ZNF577: variants seen among roughly 807,000 people sequenced by gnomAD.
ZNF577 encodes zinc finger protein 577.
A neutral mutation model predicts 13.9 loss-of-function variants in ZNF577; 14 were observed. The ratio of observed to expected loss-of-function variants is 1.00; its 90% confidence interval spans 0.66 to 1.57. The LOEUF (loss-of-function observed/expected upper bound fraction) is 1.57, where lower values mean the gene tolerates loss of function less well. ZNF577 is among the 40% of genes most tolerant of loss of function. ZNF577 has a pLI of 0.00. For missense variants in ZNF577, 555 were observed against 579.2 expected (o/e 0.96, Z 0.43); for synonymous variants, 203 against 202.9 (o/e 1.00, Z 0.00).
chr19:51,847,917 C>T (rs144794038), intron 5 of ZNF577, among the ~76,000 whole-genome samples: 1 of 152,270 alleles, frequency 6.6e-6, no homozygotes, highest in Non-Finnish European at 1.5e-5. Flanking sequence ...AACTCAGTAG[C>T]ACTTTGGAAG....
rs1383151428 is a variant in ZNF577, at chr19:51,870,147, T to A, written c.*2385A>T. On this transcript the variant is annotated 3_prime_UTR_variant, in exon 6 of 6. Transcript: ENST00000638348. ...CATCAGTAAATTATAGTTTTTATAA[T>A]CCACTTGATTCATATGGGACATTTA... Among the ~76,000 whole-genome samples the A allele has an allele frequency of 6.6e-6, 1 of 152,236 alleles. No individual in the cohort carries two copies. Among genetic ancestry groups the A allele is most frequent in the Non-Finnish European group, 1.5e-5 (1 of 68,034 alleles).
At chr19:51,843,480 C>T (rs922504925) in intron 6 of ZNF577, among the ~76,000 whole-genome samples, 9 of 152,200 alleles carry the variant, frequency 5.9e-5, no homozygotes, top group African/African-American at 2.2e-4. Context: ...ACATTAAAAA[C>T]TATCTTTTCT....
intron 5 of ZNF577, among the ~76,000 whole-genome samples, chr19:51,854,219 C>T (rs10424471): frequency 0.38 from 57,272 of 151,850 alleles, 11,895 homozygotes; most frequent in African/African-American, 0.55. Flanking sequence ...GCATAAATAT[C>T]CTCAGTGCTC....
intron 9 of ZNF577, among the ~76,000 whole-genome samples, chr19:51,826,380 A>G (rs2084231970): frequency 6.6e-6 from 1 of 152,238 alleles, no homozygotes; most frequent in South Asian, 2.1e-4. Flanking sequence ...TATCTTTGTT[A>G]AACATTTAGA....
rs557650520 is a variant in ZNF577 at position 51,872,465 on chromosome 19, C to T, written c.*67G>A. On this transcript the variant is annotated 3_prime_UTR_variant, in exon 6 of 6. Coordinates refer to ENST00000638348, the MANE Select transcript of ZNF577 (RefSeq NM_001370449.1). ...CCACAGTGTTTCAGCCCTAAATGAG[C>T]TCTCTGGGATATAATGGCTGGAGGA... 6.0e-6 allele frequency: 8 copies of T among 1,335,380 alleles called. No homozygotes were observed. The African/African-American group carries it at 7.4e-5, about 12-fold the overall frequency. 82.7% of individuals were successfully genotyped at this position (1,335,380 alleles called of 1,614,324 possible).
intron 9 of ZNF577, among the ~76,000 whole-genome samples, chr19:51,830,874 C>G (rs879898148): frequency 1.3e-5 from 2 of 152,034 alleles, no homozygotes; most frequent in Non-Finnish European, 2.9e-5. Context: ...ATAAATGACT[C>G]CCCCTAAACA....
rs370610684 is a variant in ZNF577 at position 51,877,224 on chromosome 19, C to T, written c.283+58G>A. 4.1e-5 allele frequency: 61 copies of T among 1,482,580 alleles called. No individual in the cohort carries two copies. The African/African-American group carries it at 5.4e-4, about 13-fold the overall frequency. 91.8% of individuals were successfully genotyped at this position (1,482,580 alleles called of 1,614,324 possible). A position where few individuals can be genotyped will look rare whatever the true frequency, so the allele number is the denominator to read the frequency against. ...CACTTTAAAAGCATCAACCCTTCTC[C>T]GACCAGCTGGGATTTGCATGCCATT... On this transcript the variant is annotated intron_variant, in intron 5 of 5. Coordinates refer to ENST00000638348, the MANE Select transcript of ZNF577 (RefSeq NM_001370449.1).
chr19:51,818,461 T>A (rs532397601), intron 9 of ZNF577, among the ~76,000 whole-genome samples: 2 of 152,032 alleles, frequency 1.3e-5, no homozygotes, highest in East Asian at 3.9e-4. Flanking sequence ...ACTTGTGGAG[T>A]TTGTATATCA....
chr19:51,824,164 T>A lies in ZNF577; in HGVS notation c.*600-12490A>T. 1.2e-6 allele frequency: 2 copies of A among 1,613,776 alleles called. No homozygotes were observed. The highest frequency in any genetic ancestry group is 1.1e-5 in the South Asian group (1 of 91,078). ...GCCTGGGCCCAGAACCATCGCACCATGAGTCTGGCCAAGAGGGTGATGACG... is the reference window on the plus strand; with the variant it reads ...GCCTGGGCCCAGAACCATCGCACCAAGAGTCTGGCCAAGAGGGTGATGACG... On this transcript the variant is annotated intron_variant and NMD_transcript_variant, in intron 9 of 10. Transcript: ENST00000638827. The surrounding 1 kb of genome is among the most constrained non-coding windows in gnomAD (Gnocchi z 4.7).
intron 9 of ZNF577, among the ~76,000 whole-genome samples, chr19:51,812,370 A>G (rs1320141045): frequency 6.6e-6 from 1 of 152,244 alleles, no homozygotes; most frequent in African/African-American, 2.4e-5. Flanking sequence ...AAAATAAAAA[A>G]TATCACAAAG....
intron 5 of ZNF577, among the ~76,000 whole-genome samples, chr19:51,847,859 C>T (rs558425418): frequency 2.9e-4 from 44 of 152,312 alleles, no homozygotes; most frequent in African/African-American, 9.9e-4. Flanking sequence ...ACGTCATTTC[C>T]TCTTCTGCTC....
chr19:51,875,237 C>A (rs1256109389), intron 5 of ZNF577, among the ~76,000 whole-genome samples: 1 of 151,778 alleles, frequency 6.6e-6, no homozygotes, highest in Admixed American at 6.6e-5. Flanking sequence ...GTGGCAGGTG[C>A]CTGTAATCTC....
At chr19:51,807,083 G>A (rs552124005) in intron 10 of ZNF577, among the ~76,000 whole-genome samples, 2 of 152,338 alleles carry the variant, frequency 1.3e-5, no homozygotes, top group East Asian at 1.9e-4. Context: ...GGGGACGAGC[G>A]TGGGAATAAA....
downstream of ZNF577, among the ~76,000 whole-genome samples, chr19:51,866,378 A>T (rs182597900): frequency 2.9e-3 from 436 of 152,282 alleles, 3 homozygotes; most frequent in African/African-American, 8.6e-3. Context: ...AAATAAAAAA[A>T]AGTAAAATAA....
downstream of ZNF577, among the ~76,000 whole-genome samples, chr19:51,866,978 A>G (rs4476274): frequency 0.02 from 2,986 of 149,952 alleles, 119 homozygotes; most frequent in African/African-American, 0.071. Flanking sequence ...AGAAGAAAGA[A>G]AGAGAGAGAG....
intron 1 of ZNF577, among the ~76,000 whole-genome samples, chr19:51,881,803 G>A (rs1192733239): frequency 2.0e-5 from 3 of 152,186 alleles, no homozygotes; most frequent in African/African-American, 4.8e-5. Context: ...AAGCAAAGGC[G>A]GTCCCATCTT....
At chr19:51,886,753 T>G (rs2084953054) in intron 1 of ZNF577, 68 bp downstream of exon 1, 1 of 152,196 alleles carries the variant, frequency 6.6e-6, no homozygotes, top group African/African-American at 2.4e-5. Flanking sequence ...TTCATAATGA[T>G]TCCATGAAAA....
At chr19:51,817,141 G>A (rs867459000) in intron 9 of ZNF577, among the ~76,000 whole-genome samples, 1 of 152,120 alleles carries the variant, frequency 6.6e-6, no homozygotes, top group Admixed American at 6.6e-5. Context: ...CATCTCCAAG[G>A]TGTCTTCTGG....
intron 5 of ZNF577, among the ~76,000 whole-genome samples, chr19:51,848,016 G>A (rs16983136): frequency 0.078 from 11,849 of 152,178 alleles, 1,393 homozygotes; most frequent in African/African-American, 0.26. Flanking sequence ...ACATGCTGTT[G>A]GAAGCCACCA....
Sources: gnomAD v4.1 joint callset for allele counts (sites outside exome capture counted in the v4.1 genomes callset) on GRCh38, gnomAD v4.1.1 for gene constraint, Gnocchi (gnomAD v3.1) non-coding constraint, MANE v1.5 for transcripts, NCBI Gene and HGNC (gene_info 2026-07-23, HGNC 2026-07-21) for gene names.